The following KAT6A variants were observed in gnomAD, a reference collection of about 807,000 sequenced individuals.
The protein encoded by KAT6A is lysine acetyltransferase 6A.
Under a neutral mutation model 198.4 loss-of-function variants are expected in KAT6A, and 9 were observed. The observed-to-expected ratio is 0.05, with a 90% CI of 0.03 to 0.08. The LOEUF (loss-of-function observed/expected upper bound fraction) is 0.08, where lower values mean the gene tolerates loss of function less well. KAT6A is among the 10% of genes least tolerant of loss of function. The pLI is 1.00. For synonymous variants in KAT6A, 890 were observed against 883.0 expected (o/e 1.01, Z -0.14); for missense variants, 2,077 against 2,509.9 (o/e 0.83, Z 3.69).
intron 8 of KAT6A, among the ~76,000 whole-genome samples, chr8:41,956,649 T>C (rs983613608): frequency 6.6e-6 from 1 of 152,334 alleles, no homozygotes; most frequent in South Asian, 2.1e-4. Flanking sequence ...TACTGGAATG[T>C]AGCCAAATGA....
At chr8:42,001,424 T>C (rs969951618) in intron 2 of KAT6A, among the ~76,000 whole-genome samples, 2 of 152,176 alleles carry the variant, frequency 1.3e-5, no homozygotes, top group African/African-American at 2.4e-5. Flanking sequence ...GGTTGAAATG[T>C]AGAGTAAGTG....
chr8:41,978,344 G>A (rs1417995969), intron 6 of KAT6A, among the ~76,000 whole-genome samples: 1 of 152,096 alleles, frequency 6.6e-6, no homozygotes, highest in Non-Finnish European at 1.5e-5. Context: ...CAGACTACTC[G>A]GATTTTCATC....
chr8:41,941,499 A>G, intron 14 of KAT6A, 55 bp from the exon 15 acceptor site: 3 of 1,516,078 alleles, frequency 2.0e-6, no homozygotes, highest in East Asian at 2.3e-5. Flanking sequence ...GTTTGCTTAC[A>G]TTTACCTATT....
At chr8:41,997,473 ATT>A (rs946206662) in intron 2 of KAT6A, among the ~76,000 whole-genome samples, 4 of 152,224 alleles carry the variant, frequency 2.6e-5, no homozygotes, top group African/African-American at 9.6e-5. Flanking sequence ...AATGTTAGCC[ATT>A]TTATTTTCAC....
intron 2 of KAT6A, among the ~76,000 whole-genome samples, chr8:42,033,265 A>T (rs959770630): frequency 6.6e-6 from 1 of 152,110 alleles, no homozygotes; most frequent in Non-Finnish European, 1.5e-5. Context: ...TTCAGACAAA[A>T]CAAATCCTTT....
At chr8:41,969,242 A>G (rs1214816569) in intron 8 of KAT6A, among the ~76,000 whole-genome samples, 4 of 152,234 alleles carry the variant, frequency 2.6e-5, no homozygotes, top group Non-Finnish European at 5.9e-5. Flanking sequence ...TTTTTGAAAC[A>G]CAGGTTCAAG....
In KAT6A at chr8:41,929,617, T is replaced by C. The variant is rs1040851962; in HGVS notation, c.*2588A>G. 3.1e-5 allele frequency: 6 copies of C among 193,458 alleles called. No homozygotes were observed. The highest frequency in any genetic ancestry group is 6.1e-5 in the Admixed American group (1 of 16,342). The allele number at this position is 193,458 out of a possible 1,614,324, so 12.0% of individuals were successfully genotyped here. A position where few individuals can be genotyped will look rare whatever the true frequency, so the allele number is the denominator to read the frequency against. On this transcript the variant is annotated 3_prime_UTR_variant, in exon 17 of 17. Transcript: ENST00000265713. The stretch of plus-strand genomic sequence containing the variant: ...CCGGCTGGCCCAGGAGCGCGTGACA[T>C]GGAGAGATACAAAGGCATCTAGGCA...
intron 7 of KAT6A, among the ~76,000 whole-genome samples, chr8:41,975,088 CAGAA>C (rs1290248808): frequency 7.9e-5 from 12 of 152,134 alleles, no homozygotes; most frequent in African/African-American, 2.6e-4. Flanking sequence ...TTTTAATACA[CAGAA>C]AGGCAGACAG....
rs182812417 is a variant in KAT6A at position 42,034,214 on chromosome 8, C to T, written c.600+14164G>A. 3.9e-5 allele frequency among the ~76,000 whole-genome samples: 6 copies of T among 152,302 alleles called. No homozygotes were observed. In the East Asian group the frequency reaches 1.2e-3, roughly 29 times the overall value. Reference sequence around the variant, plus strand: ...GAGACTGATGCAGTACAATGGCTCTCGAACTCAAGCGTGCATCAGAATCGC... The same window carrying T: ...GAGACTGATGCAGTACAATGGCTCTTGAACTCAAGCGTGCATCAGAATCGC... On this transcript the variant is annotated intron_variant, in intron 2 of 16. Coordinates refer to ENST00000265713, the MANE Select transcript of KAT6A (RefSeq NM_006766.5).
rs1208323512 is a variant in KAT6A, at chr8:41,933,587, C to T, written c.4633G>A (p.Val1545Met). 3.1e-6 allele frequency: 5 copies of T among 1,614,040 alleles called. No homozygotes were observed. Among genetic ancestry groups the T allele is most frequent in the Non-Finnish European group, 4.2e-6 (5 of 1,180,036 alleles). Residue 1545 changes from valine (V) to methionine (M), a missense_variant, in exon 17 of 17, where the codon GTG becomes ATG. Val to Met is a conservative substitution (Grantham distance 21). This residue lies in a region of KAT6A where 10 missense variants were observed against 51.2 expected (regional missense o/e 0.20). Coordinates refer to ENST00000265713, the MANE Select transcript of KAT6A (RefSeq NM_006766.5). This position sits in a 1 kb window ranked among gnomAD's most constrained non-coding sequence, Gnocchi z 6.2. ...AGGTCACTGAAGCCGCTGTCCACCA[C>T]CTGCTGAGAGTGGTCTGATACGGAA... ...VPSVSDHSQQ[V>M]VDSGFSDLGS...
intron 3 of KAT6A, among the ~76,000 whole-genome samples, chr8:41,982,904 C>T (rs563572091): frequency 6.6e-6 from 1 of 152,204 alleles, no homozygotes; most frequent in South Asian, 2.1e-4. Context: ...GCACCATATA[C>T]AGAGTTCGGT....
At chr8:42,006,751 T>C (rs558506344) in intron 2 of KAT6A, among the ~76,000 whole-genome samples, 93 of 152,180 alleles carry the variant, frequency 6.1e-4, no homozygotes, top group African/African-American at 2.1e-3. Context: ...ATCCCAGCAC[T>C]TTAGGAGGCC....
intron 8 of KAT6A, among the ~76,000 whole-genome samples, chr8:41,966,395 T>A (rs1054160412): frequency 6.6e-6 from 1 of 152,096 alleles, no homozygotes; most frequent in Non-Finnish European, 1.5e-5. Flanking sequence ...AGAGACAGAC[T>A]ACATTCATGT....
intron 2 of KAT6A, among the ~76,000 whole-genome samples, chr8:42,008,308 A>G (rs972545220): frequency 2.5e-4 from 38 of 152,262 alleles, no homozygotes; most frequent in African/African-American, 8.9e-4. Flanking sequence ...CAAAAATCCT[A>G]GAGCCTAAAA....
intron 6 of KAT6A, 35 bp downstream of exon 6, chr8:41,978,607 T>C: frequency 1.2e-6 from 2 of 1,608,416 alleles, no homozygotes; most frequent in African/African-American, 2.7e-5. Context: ...GACCCTATCC[T>C]TTTCTCCCCT....
chr8:41,987,023 G>A (rs1314597435), intron 3 of KAT6A, among the ~76,000 whole-genome samples: 1 of 152,296 alleles, frequency 6.6e-6, no homozygotes, highest in South Asian at 2.1e-4. Flanking sequence ...GGGTGACAGA[G>A]GAAGACTCTG....
intron 5 of KAT6A, among the ~76,000 whole-genome samples, chr8:41,979,628 G>A (rs1020557983): frequency 5.3e-5 from 8 of 152,044 alleles, no homozygotes; most frequent in Admixed American, 2.6e-4. Flanking sequence ...CCCTTGCTCA[G>A]ACTTCACATA....
intron 14 of KAT6A, chr8:41,942,335 T>TG (rs1325125708): frequency 1.3e-5 from 3 of 235,022 alleles, no homozygotes; most frequent in East Asian, 1.2e-4. Context: ...TTTGTAGAGA[T>TG]GGGGTCTCAC....
intron 2 of KAT6A, among the ~76,000 whole-genome samples, chr8:42,019,150 G>A (rs561513327): frequency 1.3e-5 from 2 of 152,044 alleles, no homozygotes; most frequent in African/African-American, 2.4e-5. Context: ...ATTTAAAGAA[G>A]TCCTAAGACT....
Sources: gnomAD v4.1 joint callset for allele counts (sites outside exome capture counted in the v4.1 genomes callset) on GRCh38, gnomAD v4.1.1 for gene constraint, gnomAD v4.1.1 regional missense constraint, Gnocchi (gnomAD v3.1) non-coding constraint, MANE v1.5 for transcripts, NCBI Gene and HGNC (gene_info 2026-07-23, HGNC 2026-07-21) for gene names.